HECW2: variants seen among roughly 807,000 people sequenced by gnomAD.
HECW2 encodes E3 ubiquitin-protein ligase HECW2.
In HECW2, 61 loss-of-function variants were observed where a neutral mutation model predicts 175.2. The observed-to-expected ratio is 0.35, with a 90% CI of 0.28 to 0.43. The LOEUF (loss-of-function observed/expected upper bound fraction) is 0.43, where lower values mean the gene tolerates loss of function less well. HECW2 is among the 20% of genes least tolerant of loss of function. HECW2 has a pLI of 1.00. For synonymous variants in HECW2, 671 were observed against 731.0 expected (o/e 0.92, Z 1.32); for missense variants, 1,524 against 2,000.5 (o/e 0.76, Z 4.54).
chr2:196,354,566 A>G (rs996612996), intron 2 of HECW2, among the ~76,000 whole-genome samples: 3 of 152,248 alleles, frequency 2.0e-5, no homozygotes, highest in Non-Finnish European at 4.4e-5. Flanking sequence ...TGATTATATG[A>G]TATTAATTGA....
intron 2 of HECW2, among the ~76,000 whole-genome samples, chr2:196,345,481 A>G (rs778188754): frequency 2.6e-5 from 4 of 152,234 alleles, no homozygotes; most frequent in South Asian, 2.1e-4. Context: ...AATTTTCCTA[A>G]TAAGAAAAGG....
intron 2 of HECW2, among the ~76,000 whole-genome samples, chr2:196,413,543 A>C (rs1695172957): frequency 6.6e-6 from 1 of 152,028 alleles, no homozygotes; most frequent in Admixed American, 6.6e-5. Flanking sequence ...ACAGGGTTTC[A>C]AATGTTGGCC....
At chr2:196,278,405 A>T in intron 15 of HECW2, 123 bp downstream of exon 15, 1 of 1,071,354 alleles carries the variant, frequency 9.3e-7, no homozygotes, top group Non-Finnish European at 1.3e-6. Flanking sequence ...TTCAGCCTCT[A>T]AATCAAACTC....
intron 7 of HECW2, among the ~76,000 whole-genome samples, chr2:196,321,944 A>C (rs891367907): frequency 2.0e-5 from 3 of 152,254 alleles, no homozygotes; most frequent in Non-Finnish European, 2.9e-5. Flanking sequence ...CACAAAAAGA[A>C]AATAGACATT....
chr2:196,496,783 C>A (rs776909038), intron 1 of HECW2, among the ~76,000 whole-genome samples: 6 of 152,120 alleles, frequency 3.9e-5, no homozygotes, highest in Admixed American at 6.6e-5. Flanking sequence ...TCTAAAAGTT[C>A]ACTGCAAAAG....
At chr2:196,572,044 T>C (rs1415932928) in intron 1 of HECW2, among the ~76,000 whole-genome samples, 1 of 152,206 alleles carries the variant, frequency 6.6e-6, no homozygotes, top group Non-Finnish European at 1.5e-5. Context: ...TGACAAATAC[T>C]GTATGAGTCC....
At chr2:196,280,356 T>G (rs1186163227) in intron 14 of HECW2, among the ~76,000 whole-genome samples, 2 of 152,262 alleles carry the variant, frequency 1.3e-5, no homozygotes, top group Non-Finnish European at 2.9e-5. Context: ...TATGCCTATT[T>G]AGAAACCTAT....
intron 2 of HECW2, among the ~76,000 whole-genome samples, chr2:196,384,074 T>C (rs1289300502): frequency 6.6e-6 from 1 of 152,220 alleles, no homozygotes; most frequent in Non-Finnish European, 1.5e-5. Flanking sequence ...TTCTTCACTC[T>C]TCCATCTGTG....
chr2:196,367,597 C>T (rs1273522673), intron 2 of HECW2, among the ~76,000 whole-genome samples: 2 of 152,104 alleles, frequency 1.3e-5, no homozygotes, highest in Non-Finnish European at 2.9e-5. Flanking sequence ...TTCTATCTAA[C>T]CATATTTTTT....
intron 1 of HECW2, among the ~76,000 whole-genome samples, chr2:196,522,859 C>T (rs558010667): frequency 1.5e-4 from 23 of 150,622 alleles, no homozygotes; most frequent in Non-Finnish European, 3.1e-4. Context: ...GGTACCAGTA[C>T]ATGCTGTTTT....
At chr2:196,408,439 T>C (rs1695022291) in intron 2 of HECW2, among the ~76,000 whole-genome samples, 1 of 152,180 alleles carries the variant, frequency 6.6e-6, no homozygotes, top group African/African-American at 2.4e-5. Context: ...TCTGTTACTC[T>C]CTAAGTGGTC....
intron 2 of HECW2, among the ~76,000 whole-genome samples, chr2:196,389,469 G>A (rs998392857): frequency 1.3e-5 from 2 of 152,088 alleles, no homozygotes; most frequent in African/African-American, 2.4e-5. Context: ...TAAATAATAC[G>A]AAAGCTCTGG....
chr2:196,357,124 G>A (rs1247532412), intron 2 of HECW2, among the ~76,000 whole-genome samples: 1 of 152,196 alleles, frequency 6.6e-6, no homozygotes, highest in African/African-American at 2.4e-5. Context: ...AGAACAGATG[G>A]TAGAACGGCA....
intron 1 of HECW2, among the ~76,000 whole-genome samples, chr2:196,588,130 C>G (rs1691054525): frequency 6.6e-6 from 1 of 152,192 alleles, no homozygotes; most frequent in South Asian, 2.1e-4. Flanking sequence ...CTCCTTCTAG[C>G]ATCATATATA....
At chr2:196,216,874 T>C in intron 27 of HECW2, 134 bp downstream of exon 27, 1 of 598,192 alleles carries the variant, frequency 1.7e-6, no homozygotes, top group African/African-American at 2.0e-5. Context: ...ATCAGGAGTC[T>C]GGAAATGGTG....
At chr2:196,201,677 C>A (rs1686864189) in intron 28 of HECW2, among the ~76,000 whole-genome samples, 1 of 152,102 alleles carries the variant, frequency 6.6e-6, no homozygotes, top group Non-Finnish European at 1.5e-5. Context: ...ATTGAGTGGT[C>A]TAAGGATTAC....
intron 1 of HECW2, among the ~76,000 whole-genome samples, chr2:196,590,106 G>C (rs189777923): frequency 1.3e-5 from 2 of 151,954 alleles, no homozygotes; most frequent in Non-Finnish European, 2.9e-5. Flanking sequence ...TCGGAAGAGG[G>C]GTGATGAAAA....
intron 21 of HECW2, among the ~76,000 whole-genome samples, chr2:196,235,648 C>CTTTTTTTTT (rs757874073): frequency 4.8e-4 from 38 of 78,900 alleles, no homozygotes; most frequent in Admixed American, 7.2e-4. Context: ...ATGCATTATT[C>CTTTTTTTTT]TTTTTTTTTT....
At chr2:196,280,638 C>A (rs1690150797) in intron 14 of HECW2, among the ~76,000 whole-genome samples, 1 of 152,164 alleles carries the variant, frequency 6.6e-6, no homozygotes, top group South Asian at 2.1e-4. Flanking sequence ...TCTTCACTAA[C>A]CTTGAGTGAA....
Sources: gnomAD v4.1 joint callset for allele counts (sites outside exome capture counted in the v4.1 genomes callset) on GRCh38, gnomAD v4.1.1 for gene constraint, MANE v1.5 for transcripts, NCBI Gene and HGNC (gene_info 2026-07-23, HGNC 2026-07-21) for gene names.